Variants in DIRAS3 observed in about 807,000 individuals in gnomAD.
DIRAS3 encodes DIRAS family GTPase 3.
For missense variants in DIRAS3, 248 were observed against 300.6 expected (o/e 0.83, Z 1.29); for synonymous variants, 133 against 131.4 (o/e 1.01, Z -0.08).
At position 68,046,769 on chromosome 1, in the gene DIRAS3, A is replaced by G; in HGVS notation, c.529T>C (p.Phe177Leu). The G allele has an allele frequency of 6.2e-7, 1 of 1,614,172 alleles. No homozygotes were observed. The highest frequency in any genetic ancestry group is 8.5e-7 in the Non-Finnish European group (1 of 1,180,034). ...ATCAMEWNCAFMEISAKTDVN... is the reference protein window; with the variant it reads ...ATCAMEWNCALMEISAKTDVN... ...TCGGTCTTGGCTGAAATCTCCATGA[A>G]GGCGCAATTCCACTCCATCGCACAG... The change falls in exon 2 of 2, where the codon TTC becomes CTC. Residue 177 changes from phenylalanine to leucine, a missense_variant. Transcript: ENST00000646789.
rs1178374472 is a variant in DIRAS3 at position 68,047,253 on chromosome 1, C to T, written c.45G>A (p.Lys15=). Residue 15 remains lysine, a synonymous_variant, in exon 2 of 2, where the codon AAG becomes AAA. Coordinates refer to ENST00000646789, the MANE Select transcript of DIRAS3 (RefSeq NM_004675.5). ...SFGSKEQKLL[K]RLRLLPALLI... The stretch of plus-strand genomic sequence containing the variant: ...GCAGGGCGGGCAGAAGCCGCAACCG[C>T]TTCAGCAGCTTCTGTTCCTTGGAGC... 8.1e-6 allele frequency: 13 copies of T among 1,613,944 alleles called. No homozygotes were observed. The highest frequency in any genetic ancestry group is 1.0e-5 in the Non-Finnish European group (12 of 1,180,026).
rs74081342 is a variant in DIRAS3, at chr1:68,050,036, G to T, written c.-66+512C>A. Reference sequence around the variant, plus strand: ...GCCTCAGGCTGAGGGGGAGGTGAAAGTTTCCAGGAACCAGAGGGCGTCCAA... The same window carrying T: ...GCCTCAGGCTGAGGGGGAGGTGAAATTTTCCAGGAACCAGAGGGCGTCCAA... On this transcript the variant is annotated intron_variant, in intron 1 of 1. Transcript: ENST00000646789. The surrounding 1 kb of genome is among the most constrained non-coding windows in gnomAD (Gnocchi z 4.5). Among the ~76,000 whole-genome samples, 3,076 of 148,200 alleles carry T rather than the reference G, an allele frequency of 0.021. 113 individuals are homozygous for T. Among genetic ancestry groups the T allele is most frequent in the African/African-American group, 0.074 (2,883 of 39,050 alleles).
In DIRAS3 at chr1:68,046,780, C is replaced by A; in HGVS notation, c.518G>T (p.Trp173Leu). ...LNDGATCAME[W>L]NCAFMEISAK... ...TGAAATCTCCATGAAGGCGCAATTCCACTCCATCGCACAGGTGGCACCATC... is the reference window on the plus strand; with the variant it reads ...TGAAATCTCCATGAAGGCGCAATTCAACTCCATCGCACAGGTGGCACCATC... Residue 173 changes from tryptophan to leucine, a missense_variant, in exon 2 of 2, where the codon TGG becomes TTG. Trp to Leu is a moderately conservative substitution (Grantham distance 61). Transcript: ENST00000646789. 1 of 1,614,194 alleles carries A rather than the reference C, an allele frequency of 6.2e-7. No homozygotes were observed. The highest frequency in any genetic ancestry group is 8.5e-7 in the Non-Finnish European group (1 of 1,180,050).
chr1:68,048,747 T>TG (rs1645704269), intron 1 of DIRAS3, among the ~76,000 whole-genome samples: 1 of 146,754 alleles, frequency 6.8e-6, no homozygotes, highest in Non-Finnish European at 1.5e-5. Flanking sequence ...TTTTTTTTGT[T>TG]TTTTTTTTTT....
At position 68,046,379 on chromosome 1, in the gene DIRAS3, A is replaced by C. The variant is rs894628342; in HGVS notation, c.*229T>G. On this transcript the variant is annotated 3_prime_UTR_variant, in exon 2 of 2. Coordinates refer to ENST00000646789, the MANE Select transcript of DIRAS3 (RefSeq NM_004675.5). ...TTACTAAAGGCCTTACTTTAAATAC[A>C]TCATGCTACATTTTGTTCTCCTCTT... 2.7e-5 allele frequency: 13 copies of C among 475,786 alleles called. No individual in the cohort carries two copies. The highest frequency in any genetic ancestry group is 1.2e-4 in the African/African-American group (6 of 51,410). The allele number at this position is 475,786 out of a possible 1,614,324, so 29.5% of individuals were successfully genotyped here.
chr1:68,048,043 A>C (rs1404334743), intron 1 of DIRAS3, among the ~76,000 whole-genome samples: 1 of 46,348 alleles, frequency 2.2e-5, no homozygotes, highest in African/African-American at 1.1e-4. Context: ...AAAAAAAAAA[A>C]AAAAAAATAT....
intron 1 of DIRAS3, among the ~76,000 whole-genome samples, chr1:68,048,337 G>T (rs1026836213): frequency 6.6e-6 from 1 of 152,064 alleles, no homozygotes; most frequent in Non-Finnish European, 1.5e-5. Context: ...CCAGACAGCT[G>T]CCCAGGGGGA....
In DIRAS3 at chr1:68,050,295, G is replaced by T. The variant is rs139748189; in HGVS notation, c.-66+253C>A. ...GGACACTGTGTCAACCTTTAAGCTC[G>T]CACACTTATCAAACCTCGTTCTTCT... On this transcript the variant is annotated intron_variant, in intron 1 of 1. Coordinates refer to ENST00000646789, the MANE Select transcript of DIRAS3 (RefSeq NM_004675.5). This position sits in a 1 kb window ranked among gnomAD's most constrained non-coding sequence, Gnocchi z 4.5. Among the ~76,000 whole-genome samples, 7 of 152,224 alleles carry T rather than the reference G, an allele frequency of 4.6e-5. No individual in the cohort carries two copies. Among genetic ancestry groups the T allele is most frequent in the African/African-American group, 1.7e-4 (7 of 41,528 alleles).
rs1214602618 is a variant in DIRAS3 at position 68,046,636 on chromosome 1, T to G, written c.662A>C (p.Lys221Thr). The G allele has an allele frequency of 9.3e-6, 15 of 1,613,934 alleles. No individual in the cohort carries two copies. Among genetic ancestry groups the G allele is most frequent in the Admixed American group, 3.3e-5 (2 of 59,972 alleles). ...KKSQMPNTTE[K>T]LLDKCIIM ...CATGATTATGCACTTGTCAAGCAGC[T>G]TCTCAGTGGTGTTGGGCATCTGGGA... Residue 221 changes from lysine to threonine, a missense_variant, in exon 2 of 2, where the codon AAG becomes ACG. Coordinates refer to ENST00000646789, the MANE Select transcript of DIRAS3 (RefSeq NM_004675.5).
Position 68,047,341 on chromosome 1 carries a change from C to T in DIRAS3, c.-44G>A. On this transcript the variant is annotated 5_prime_UTR_variant, in exon 2 of 2. The change creates a new upstream start codon in the 5' untranslated region. Coordinates refer to ENST00000646789, the MANE Select transcript of DIRAS3 (RefSeq NM_004675.5). Reference sequence around the variant, plus strand: ...AGATACGTGCACAAGTTCTCCCACACTTAGCTGGCAGCAGGAGACCCCTAG... The same window carrying T: ...AGATACGTGCACAAGTTCTCCCACATTTAGCTGGCAGCAGGAGACCCCTAG... 6.4e-7 allele frequency: 1 copy of T among 1,569,318 alleles called. No homozygotes were observed. The highest frequency in any genetic ancestry group is 8.7e-7 in the Non-Finnish European group (1 of 1,151,776).
chr1:68,047,091 G>A lies in DIRAS3; in HGVS notation c.207C>T (p.Thr69=), dbSNP rs554165010. ...GCAACTGGCAGTAGGTATTTTCAAT[G>A]GTCGGCAGGTACTCATGACGGAAGT... The part of the protein sequence containing the change: ...SGNFRHEYLP[T]IENTYCQLLG... Residue 69 remains threonine (T), a synonymous_variant, in exon 2 of 2, where the codon ACC becomes ACT. Transcript: ENST00000646789. 2.0e-5 allele frequency: 33 copies of A among 1,614,200 alleles called. No homozygotes were observed. In the African/African-American group the frequency reaches 3.3e-4, roughly 16 times the overall value.
intron 1 of DIRAS3, among the ~76,000 whole-genome samples, chr1:68,048,723 T>C (rs1288486062): frequency 6.7e-6 from 1 of 150,166 alleles, no homozygotes; most frequent in African/African-American, 2.5e-5. Context: ...ATTAGAGTTT[T>C]GGTGGTGGTT....
chr1:68,047,676 T>C (rs1645687268), intron 1 of DIRAS3, among the ~76,000 whole-genome samples: 1 of 152,032 alleles, frequency 6.6e-6, no homozygotes, highest in African/African-American at 2.4e-5. Flanking sequence ...AGAAACACTC[T>C]CATTTCCTCG....
chr1:68,049,707 G>A (rs371878749), intron 1 of DIRAS3: 47 of 152,198 alleles, frequency 3.1e-4, no homozygotes, highest in African/African-American at 1.0e-3. Flanking sequence ...CTGCTCTAGG[G>A]GATGTATGTA....
At chr1:68,048,656 T>G (rs1645702415) in intron 1 of DIRAS3, among the ~76,000 whole-genome samples, 1 of 151,926 alleles carries the variant, frequency 6.6e-6, no homozygotes, top group Non-Finnish European at 1.5e-5. Context: ...CTCCCAGTAC[T>G]GGGGAAAAGG....
chr1:68,047,920 T>G (rs1413041169), intron 1 of DIRAS3, among the ~76,000 whole-genome samples: 2 of 143,082 alleles, frequency 1.4e-5, no homozygotes, highest in East Asian at 4.4e-4. Context: ...AGAAGAGGCA[T>G]GGGGAGCACC....
rs528697711 is a variant in DIRAS3, at chr1:68,050,025, G to T, written c.-66+523C>A. 1.2e-4 allele frequency among the ~76,000 whole-genome samples: 18 copies of T among 151,188 alleles called. No individual in the cohort carries two copies. In the East Asian group the frequency reaches 3.1e-3, roughly 26 times the overall value. On this transcript the variant is annotated intron_variant, in intron 1 of 1. Transcript: ENST00000646789. This position sits in a 1 kb window ranked among gnomAD's most constrained non-coding sequence, Gnocchi z 4.5. ...CAGGCCACCTGGCCTCAGGCTGAGG[G>T]GGAGGTGAAAGTTTCCAGGAACCAG...
At chr1:68,048,019 TAAAAAAAAAAAA>T (rs869307311) in intron 1 of DIRAS3, among the ~76,000 whole-genome samples, 11 of 10,924 alleles carry the variant, frequency 1.0e-3, no homozygotes, top group African/African-American at 1.3e-3. Context: ...GACAGTGGAG[TAAAAAAAAAAAA>T]AAAAAAAAAA....
In DIRAS3 at chr1:68,050,304, T is replaced by C. The variant is rs1020656082; in HGVS notation, c.-66+244A>G. ...GTCAACCTTTAAGCTCGCACACTTATCAAACCTCGTTCTTCTATATTAAAA... is the reference window on the plus strand; with the variant it reads ...GTCAACCTTTAAGCTCGCACACTTACCAAACCTCGTTCTTCTATATTAAAA... On this transcript the variant is annotated intron_variant, in intron 1 of 1. Transcript: ENST00000646789. This position sits in a 1 kb window ranked among gnomAD's most constrained non-coding sequence, Gnocchi z 4.5. Among the ~76,000 whole-genome samples the C allele has an allele frequency of 3.9e-5, 6 of 152,156 alleles. No individual in the cohort carries two copies. Among genetic ancestry groups the C allele is most frequent in the Non-Finnish European group, 7.3e-5 (5 of 68,028 alleles).
Sources: allele counts gnomAD v4.1 joint callset (sites outside exome capture counted in the v4.1 genomes callset), GRCh38; gene constraint gnomAD v4.1.1; non-coding constraint Gnocchi (gnomAD v3.1); transcripts MANE v1.5; gene names NCBI Gene and HGNC (gene_info 2026-07-23, HGNC 2026-07-21).